CDH12: variants seen among roughly 807,000 people sequenced by gnomAD.
The protein encoded by CDH12 is cadherin 12, also known as cadherin-12.
In CDH12, 41 loss-of-function variants were observed where a neutral mutation model predicts 74.1. The ratio of observed to expected loss-of-function variants is 0.55; its 90% CI spans 0.43 to 0.72. The LOEUF (loss-of-function observed/expected upper bound fraction) is 0.72. CDH12 is among the 30% of genes least tolerant of loss of function. The pLI is 0.00. For synonymous variants in CDH12, 399 were observed against 355.0 expected (o/e 1.12, Z -1.39); for missense variants, 945 against 977.2 (o/e 0.97, Z 0.44).
At chr5:21,803,611 CTTTG>C (rs1747260802) in intron 9 of CDH12, among the ~76,000 whole-genome samples, 1 of 152,090 alleles carries the variant, frequency 6.6e-6, no homozygotes, top group Non-Finnish European at 1.5e-5. Flanking sequence ...TGCTGTGGTG[CTTTG>C]TTTAAGTGAT....
At chr5:22,312,241 T>C (rs1448382433) in intron 3 of CDH12, among the ~76,000 whole-genome samples, 2 of 151,966 alleles carry the variant, frequency 1.3e-5, no homozygotes, top group Non-Finnish European at 2.9e-5. Flanking sequence ...TATAAACATA[T>C]TGAGTACATA....
intron 6 of CDH12, chr5:21,889,526 T>C: frequency 1.1e-6 from 1 of 901,768 alleles, no homozygotes; most frequent in Non-Finnish European, 1.3e-6. Context: ...AATCCAATGT[T>C]CTGAAGCTAG....
chr5:22,105,281 G>A (rs367749943), intron 4 of CDH12, among the ~76,000 whole-genome samples: 12 of 151,586 alleles, frequency 7.9e-5, no homozygotes, highest in African/African-American at 2.9e-4. Flanking sequence ...TTTCAGTAGA[G>A]ATAGGGTTTC....
chr5:22,718,960 A>G (rs1258442523), intron 1 of CDH12, among the ~76,000 whole-genome samples: 1 of 152,176 alleles, frequency 6.6e-6, no homozygotes, highest in Admixed American at 6.5e-5. Flanking sequence ...TTTCACTATC[A>G]TAAAACTGTA....
chr5:22,374,726 A>C (rs1393021788), intron 3 of CDH12, among the ~76,000 whole-genome samples: 1 of 152,056 alleles, frequency 6.6e-6, no homozygotes, highest in African/African-American at 2.4e-5. Flanking sequence ...AAAAAATTAA[A>C]ATAGCTAGGA....
chr5:21,893,038 A>C (rs7733101), intron 6 of CDH12, among the ~76,000 whole-genome samples: 146,949 of 152,246 alleles, frequency 0.97, 71,103 homozygotes, highest in Non-Finnish European at 1. Context: ...CCCCTTTATC[A>C]CCTTTTCATA....
intron 1 of CDH12, among the ~76,000 whole-genome samples, chr5:22,827,000 A>C (rs1736368667): frequency 6.6e-6 from 1 of 152,202 alleles, no homozygotes; most frequent in Non-Finnish European, 1.5e-5. Context: ...ACAATGGGGA[A>C]AATATCTCCA....
intron 3 of CDH12, among the ~76,000 whole-genome samples, chr5:22,401,182 GT>G (rs146857444): frequency 0.015 from 2,330 of 152,172 alleles, 30 homozygotes; most frequent in Middle Eastern, 0.061. Flanking sequence ...ACCATTGGAA[GT>G]TTTTTCCTGC....
chr5:22,226,911 A>C (rs1413098054), intron 3 of CDH12, among the ~76,000 whole-genome samples: 2 of 151,892 alleles, frequency 1.3e-5, no homozygotes, highest in Non-Finnish European at 2.9e-5. Context: ...ACTTTTTGTT[A>C]TATGTTGCCT....
intron 4 of CDH12, among the ~76,000 whole-genome samples, chr5:22,173,484 C>T (rs1749157914): frequency 6.7e-6 from 1 of 149,526 alleles, no homozygotes; most frequent in Non-Finnish European, 1.5e-5. Flanking sequence ...TAGAATTAGA[C>T]TTTAGATATC....
At chr5:22,760,488 G>T (rs1305086976) in intron 1 of CDH12, among the ~76,000 whole-genome samples, 1 of 151,964 alleles carries the variant, frequency 6.6e-6, no homozygotes, top group African/African-American at 2.4e-5. Flanking sequence ...AGACCAGCCT[G>T]GCCAACATGA....
At chr5:22,189,822 CAG>C (rs1402303402) in intron 4 of CDH12, among the ~76,000 whole-genome samples, 1 of 143,422 alleles carries the variant, frequency 7.0e-6, no homozygotes, top group African/African-American at 2.6e-5. Flanking sequence ...CAGGGGATAA[CAG>C]ATGCCTCAGA....
chr5:22,670,500 T>C (rs893108249), intron 1 of CDH12, among the ~76,000 whole-genome samples: 2 of 152,126 alleles, frequency 1.3e-5, no homozygotes, highest in African/African-American at 4.8e-5. Flanking sequence ...CTTCTATATA[T>C]TTCTATATAT....
At chr5:21,949,475 G>T (rs1277295289) in intron 6 of CDH12, among the ~76,000 whole-genome samples, 1 of 151,170 alleles carries the variant, frequency 6.6e-6, no homozygotes, top group Non-Finnish European at 1.5e-5. Flanking sequence ...AAAGAAATAG[G>T]CAACTGTAAA....
At chr5:22,421,102 C>T (rs1377395137) in intron 2 of CDH12, among the ~76,000 whole-genome samples, 5 of 151,996 alleles carry the variant, frequency 3.3e-5, no homozygotes, top group Non-Finnish European at 4.4e-5. Context: ...CTGAGATGGT[C>T]GGGTTTTCTA....
intron 1 of CDH12, among the ~76,000 whole-genome samples, chr5:22,636,667 G>C (rs1738857149): frequency 6.6e-6 from 1 of 152,080 alleles, no homozygotes; most frequent in African/African-American, 2.4e-5. Context: ...TCTGAGGGAG[G>C]GTCAATGGGG....
At chr5:21,972,923 C>T (rs907891959) in intron 6 of CDH12, among the ~76,000 whole-genome samples, 1 of 151,304 alleles carries the variant, frequency 6.6e-6, no homozygotes, top group African/African-American at 2.4e-5. Context: ...AAAAAAGGAG[C>T]CAGGAGGGTG....
chr5:22,288,871 T>A (rs775785275), intron 3 of CDH12, among the ~76,000 whole-genome samples: 1 of 151,762 alleles, frequency 6.6e-6, no homozygotes, highest in Non-Finnish European at 1.5e-5. Flanking sequence ...GCGTGCAGAG[T>A]GGGTAGAGAG....
intron 1 of CDH12, among the ~76,000 whole-genome samples, chr5:22,662,243 C>G (rs1051356108): frequency 6.6e-6 from 1 of 152,004 alleles, no homozygotes; most frequent in Admixed American, 6.6e-5. Flanking sequence ...TTATTTTTAC[C>G]TAGAAGGAAA....
Sources: allele counts gnomAD v4.1 joint callset (sites outside exome capture counted in the v4.1 genomes callset), GRCh38; gene constraint gnomAD v4.1.1; transcripts MANE v1.5; gene names NCBI Gene and HGNC (gene_info 2026-07-23, HGNC 2026-07-21).